Variants in HHAT observed in about 807,000 individuals in gnomAD.
HHAT encodes hedgehog acyltransferase.
In HHAT, 47 loss-of-function variants were observed where a neutral mutation model predicts 70.8. That is an observed-to-expected ratio of 0.66 (90% CI 0.53 to 0.85). The LOEUF (loss-of-function observed/expected upper bound fraction) is 0.85. Among genes scored for constraint, HHAT ranks in the 40% least tolerant of loss-of-function variants. The pLI is 0.00. For missense variants in HHAT, 609 were observed against 604.8 expected (o/e 1.01, Z -0.07); for synonymous variants, 228 against 247.6 (o/e 0.92, Z 0.74).
At chr1:210,553,038 C>A (rs1573264239) in intron 9 of HHAT, among the ~76,000 whole-genome samples, 1 of 152,294 alleles carries the variant, frequency 6.6e-6, no homozygotes, top group Non-Finnish European at 1.5e-5. Context: ...GGTGACTCTA[C>A]CCCATCTTTG....
Position 210,340,615 on chromosome 1 carries a change from G to A in HHAT, c.-43-8318G>A, listed in dbSNP as rs931660754. 2.6e-5 allele frequency among the ~76,000 whole-genome samples: 4 copies of A among 152,076 alleles called. No homozygotes were observed. In the South Asian group the frequency reaches 6.2e-4, roughly 24 times the overall value. On this transcript the variant is annotated intron_variant, in intron 1 of 11. Transcript: ENST00000261458. Reference sequence around the variant, plus strand: ...TCCCCTCTTATTTCCAAGGTAAATCGGTTAGGTTTAGTTTGCCTTTTTCAG... The same window carrying A: ...TCCCCTCTTATTTCCAAGGTAAATCAGTTAGGTTTAGTTTGCCTTTTTCAG...
At chr1:210,614,190 T>C (rs921409221) in intron 10 of HHAT, among the ~76,000 whole-genome samples, 2 of 152,168 alleles carry the variant, frequency 1.3e-5, no homozygotes, top group Non-Finnish European at 2.9e-5. Context: ...TAAATAGAAT[T>C]GCTTTCTTAA....
intron 11 of HHAT, among the ~76,000 whole-genome samples, chr1:210,646,307 A>G (rs1674056132): frequency 6.6e-6 from 1 of 152,244 alleles, no homozygotes; most frequent in Non-Finnish European, 1.5e-5. Context: ...ATATTATTAT[A>G]CTAAAGCAGA....
intron 9 of HHAT, among the ~76,000 whole-genome samples, chr1:210,554,248 C>T (rs2095553245): frequency 6.6e-6 from 1 of 152,174 alleles, no homozygotes; most frequent in African/African-American, 2.4e-5. Flanking sequence ...TAAGGTCTGT[C>T]ATCGTGCTAG....
intron 10 of HHAT, among the ~76,000 whole-genome samples, chr1:210,598,651 C>G (rs1471321498): frequency 6.6e-6 from 1 of 152,192 alleles, no homozygotes; most frequent in Non-Finnish European, 1.5e-5. Context: ...TGTGATCTTT[C>G]TCCCCCAAGT....
chr1:210,665,688 C>G (rs1678743848), intron 11 of HHAT, among the ~76,000 whole-genome samples: 1 of 152,210 alleles, frequency 6.6e-6, no homozygotes, highest in South Asian at 2.1e-4. Flanking sequence ...AAGGGACAGA[C>G]ATCATTCAGA....
At chr1:210,579,509 T>C (rs1329571217) in intron 9 of HHAT, among the ~76,000 whole-genome samples, 24 of 149,744 alleles carry the variant, frequency 1.6e-4, no homozygotes. Flanking sequence ...ACTGTGTTCT[T>C]GCCATGATTT....
At chr1:210,513,115 C>A in intron 8 of HHAT, 38 bp from the exon 9 acceptor site, 2 of 1,294,908 alleles carry the variant, frequency 1.5e-6, no homozygotes, top group Non-Finnish European at 2.2e-6. Context: ...CTATAAATAT[C>A]TTTTATTGAT....
At chr1:210,419,654 G>T (rs953912031) in intron 7 of HHAT, among the ~76,000 whole-genome samples, 22 of 152,088 alleles carry the variant, frequency 1.4e-4, no homozygotes, top group East Asian at 1.9e-4. Flanking sequence ...ATTGTTCTTG[G>T]TATCACACGT....
chr1:210,625,554 A>C (rs752431925), intron 11 of HHAT, among the ~76,000 whole-genome samples: 3 of 152,204 alleles, frequency 2.0e-5, no homozygotes, highest in Non-Finnish European at 4.4e-5. Context: ...CACAGGATAG[A>C]GTAGCTGACT....
chr1:210,504,147 C>A (rs1292095208), intron 8 of HHAT, among the ~76,000 whole-genome samples: 1 of 152,200 alleles, frequency 6.6e-6, no homozygotes, highest in Non-Finnish European at 1.5e-5. Flanking sequence ...TTCCAGAATA[C>A]TTACAAGGGT....
At chr1:210,505,810 G>A (rs1044077739) in intron 8 of HHAT, among the ~76,000 whole-genome samples, 12 of 152,208 alleles carry the variant, frequency 7.9e-5, no homozygotes, top group Non-Finnish European at 1.8e-4. Context: ...ATGCTGCCCT[G>A]CCTGTGTCAT....
At chr1:210,486,833 A>G (rs2148501690) in intron 8 of HHAT, among the ~76,000 whole-genome samples, 1 of 152,260 alleles carries the variant, frequency 6.6e-6, no homozygotes, top group African/African-American at 2.4e-5. Flanking sequence ...ATGGGCAGGT[A>G]AGTGTCCTCT....
At chr1:210,359,922 A>G (rs2088083494) in intron 2 of HHAT, among the ~76,000 whole-genome samples, 1 of 152,164 alleles carries the variant, frequency 6.6e-6, no homozygotes, top group African/African-American at 2.4e-5. Flanking sequence ...TTCGGTAATA[A>G]TAAAACTCCC....
intron 5 of HHAT, among the ~76,000 whole-genome samples, chr1:210,401,602 T>A (rs3765862): frequency 0.45 from 68,948 of 152,056 alleles, 15,998 homozygotes; most frequent in South Asian, 0.48. Flanking sequence ...GGCTCAAACC[T>A]CACTTCTTTA....
At chr1:210,431,751 C>T (rs147458134) in intron 7 of HHAT, among the ~76,000 whole-genome samples, 12 of 151,836 alleles carry the variant, frequency 7.9e-5, no homozygotes, top group South Asian at 2.1e-4. Context: ...AGGTTGGACA[C>T]GGGAATGAAA....
Position 210,575,367 on chromosome 1 carries a change from G to A in HHAT, c.1044-12531G>A, listed in dbSNP as rs548427891. Among the ~76,000 whole-genome samples the A allele has an allele frequency of 2.0e-5, 3 of 152,242 alleles. No homozygotes were observed. In the South Asian group the frequency reaches 6.2e-4, roughly 32 times the overall value. On this transcript the variant is annotated intron_variant, in intron 9 of 11. Coordinates refer to ENST00000261458, the MANE Select transcript of HHAT (RefSeq NM_018194.6). The stretch of plus-strand genomic sequence containing the variant: ...GTGGTTATTAAACTGAGGCTTCAAG[G>A]ACCTTTTTATTAGCAATTAGACTCA...
intron 1 of HHAT, among the ~76,000 whole-genome samples, chr1:210,332,200 G>A (rs75224083): frequency 0.084 from 12,799 of 152,296 alleles, 614 homozygotes; most frequent in African/African-American, 0.13. Flanking sequence ...GAAACCAGTC[G>A]TAGCAGTCGC....
chr1:210,344,148 T>G (rs2086290264), intron 1 of HHAT, among the ~76,000 whole-genome samples: 1 of 152,174 alleles, frequency 6.6e-6, no homozygotes. Flanking sequence ...TTTGGTTCAA[T>G]TCCTAAATTT....
Sources: gnomAD v4.1 joint callset for allele counts (sites outside exome capture counted in the v4.1 genomes callset) on GRCh38, gnomAD v4.1.1 for gene constraint, MANE v1.5 for transcripts, NCBI Gene and HGNC (gene_info 2026-07-23, HGNC 2026-07-21) for gene names.